Variants in SUGP2 observed in about 807,000 individuals in gnomAD.
SUGP2 encodes SURP and G-patch domain-containing protein 2.
A neutral mutation model predicts 90.5 loss-of-function variants in SUGP2; 24 were observed. The observed-to-expected ratio is 0.27, with a 90% CI of 0.19 to 0.37. The LOEUF (loss-of-function observed/expected upper bound fraction) is 0.37. Among genes scored for constraint, SUGP2 ranks in the 10% least tolerant of loss-of-function variants. SUGP2 has a pLI of 1.00. For synonymous variants in SUGP2, 473 were observed against 513.4 expected (o/e 0.92, Z 1.06); for missense variants, 1,233 against 1,363.3 (o/e 0.90, Z 1.51).
chr19:18,994,479 G>T lies in SUGP2; in HGVS notation c.3136C>A (p.Pro1046Thr). ...GCACCCAACCCTTCCCCTTCCGAGG[G>T]GGTTCCCCTAGGGAGTGAAAAAGAG... ...GIREPVSVGT[P>T]SEGEGLGADG... The change falls in exon 10 of 11, where the codon CCC (proline) becomes ACC (threonine). Residue 1046 changes from proline to threonine, a missense_variant. Physicochemically the swap from Pro to Thr is conservative, Grantham distance 38. Around this residue, in one of 8 missense-constraint regions of SUGP2, gnomAD observed 53 missense variants for 55.3 expected, o/e 0.96. Transcript: ENST00000452918. 1 of 1,613,954 alleles carries T rather than the reference G, an allele frequency of 6.2e-7. No individual in the cohort carries two copies. The highest frequency in any genetic ancestry group is 8.5e-7 in the Non-Finnish European group (1 of 1,179,928).
At chr19:19,027,685 C>T (rs572546195) in intron 2 of SUGP2, among the ~76,000 whole-genome samples, 11 of 151,578 alleles carry the variant, frequency 7.3e-5, no homozygotes, top group African/African-American at 2.2e-4. Flanking sequence ...GCTGGAGTGC[C>T]GGAGTGCAAG....
chr19:19,009,735 C>T (rs762585518), intron 5 of SUGP2, 120 bp downstream of exon 5: 22 of 1,319,862 alleles, frequency 1.7e-5, no homozygotes, highest in Non-Finnish European at 2.2e-5. Flanking sequence ...CTGGCCAGGT[C>T]CCTAGAGCTT....
At position 18,991,086 on chromosome 19, in the gene SUGP2, A is replaced by T. The variant is rs2057341318; in HGVS notation, c.*2655T>A. ...GATGGAAACAAGCCAGAGACAGTAA[A>T]GCACCCAGAGTGGCGAGAGAGCACT... On this transcript the variant is annotated 3_prime_UTR_variant, in exon 11 of 11. Transcript: ENST00000452918. The T allele has an allele frequency of 6.6e-6, 1 of 152,146 alleles. No individual in the cohort carries two copies. Among genetic ancestry groups the T allele is most frequent in the African/African-American group, 2.4e-5 (1 of 41,422 alleles). 9.4% of individuals were successfully genotyped at this position (152,146 alleles called of 1,614,324 possible).
intron 1 of SUGP2, among the ~76,000 whole-genome samples, chr19:19,032,680 G>A (rs140745562): frequency 6.8e-4 from 103 of 152,226 alleles, no homozygotes; most frequent in African/African-American, 2.4e-3. Flanking sequence ...AGGAGGCAAA[G>A]GGAGACAGAC....
At chr19:19,032,270 T>C (rs1201316168) in intron 1 of SUGP2, among the ~76,000 whole-genome samples, 1 of 151,942 alleles carries the variant, frequency 6.6e-6, no homozygotes, top group African/African-American at 2.4e-5. Flanking sequence ...GCAATTCTCC[T>C]GCCTCAGCCT....
chr19:19,003,351 T>C (rs2057923249), intron 7 of SUGP2: 1 of 152,268 alleles, frequency 6.6e-6, no homozygotes, highest in Non-Finnish European at 1.5e-5. Context: ...AGAAGTCCCA[T>C]GTGAAAGCAC....
At chr19:19,005,654 A>G (rs1305844205) in intron 6 of SUGP2, among the ~76,000 whole-genome samples, 1 of 152,110 alleles carries the variant, frequency 6.6e-6, no homozygotes, top group Non-Finnish European at 1.5e-5. Context: ...TGGTATTGGA[A>G]AAGCTGGACG....
chr19:19,018,062 G>A lies in SUGP2; in HGVS notation c.1850+1047C>T, dbSNP rs1222769239. ...AGTTCGAGACCAACCTGGCCAACAT[G>A]GTGAAACCCCATCTCTACTAAAAAT... On this transcript the variant is annotated intron_variant, in intron 4 of 10. Coordinates refer to ENST00000452918, the MANE Select transcript of SUGP2 (RefSeq NM_001017392.5). Among the ~76,000 whole-genome samples the A allele has an allele frequency of 4.0e-5, 6 of 151,118 alleles. No homozygotes were observed. The East Asian group carries it at 1.2e-3, about 30-fold the overall frequency.
At chr19:19,014,944 G>C (rs986513782) in intron 4 of SUGP2, among the ~76,000 whole-genome samples, 4 of 152,200 alleles carry the variant, frequency 2.6e-5, no homozygotes, top group Non-Finnish European at 5.9e-5. Context: ...GCTCATGCCT[G>C]TAATTCCAGC....
intron 4 of SUGP2, among the ~76,000 whole-genome samples, chr19:19,013,307 T>G (rs2058372939): frequency 6.6e-6 from 1 of 152,256 alleles, no homozygotes; most frequent in East Asian, 1.9e-4. Context: ...AGTGCTGTTC[T>G]CCTTAAAGTC....
At chr19:19,017,636 G>C (rs890860834) in intron 4 of SUGP2, among the ~76,000 whole-genome samples, 1 of 152,134 alleles carries the variant, frequency 6.6e-6, no homozygotes, top group African/African-American at 2.4e-5. Flanking sequence ...GCTGGGTGTG[G>C]TGGCGGGCAC....
In SUGP2 at chr19:19,025,001, G is replaced by C. The variant is rs370631495; in HGVS notation, c.1347C>G (p.Ala449=). The change falls in exon 3 of 11, where the codon GCC becomes GCG. Residue 449 remains alanine (A), a synonymous_variant. Transcript: ENST00000452918. ...SVTPLLMACN[A]YELSVKMKTL... ...TCTTCATCTTGACACTTAGCTCGTAGGCATTGCAGGCCATAAGCAAAGGTG... is the reference window on the plus strand; with the variant it reads ...TCTTCATCTTGACACTTAGCTCGTACGCATTGCAGGCCATAAGCAAAGGTG... The C allele has an allele frequency of 8.7e-6, 14 of 1,614,080 alleles. No individual in the cohort carries two copies. The highest frequency in any genetic ancestry group is 1.2e-5 in the Non-Finnish European group (14 of 1,180,040).
At chr19:19,020,204 C>G (rs141292672) in intron 3 of SUGP2, among the ~76,000 whole-genome samples, 2 of 151,562 alleles carry the variant, frequency 1.3e-5, no homozygotes, top group Non-Finnish European at 2.9e-5. Flanking sequence ...CCAAGGCAGG[C>G]GGATCACGAG....
intron 6 of SUGP2, among the ~76,000 whole-genome samples, chr19:19,006,165 A>G (rs1370069343): frequency 2.0e-5 from 3 of 151,710 alleles, no homozygotes; most frequent in African/African-American, 7.3e-5. Flanking sequence ...GGTTGCAGTG[A>G]GCTGAGATCA....
chr19:19,017,869 A>C (rs568341101), intron 4 of SUGP2, among the ~76,000 whole-genome samples: 1 of 152,168 alleles, frequency 6.6e-6, no homozygotes, highest in Non-Finnish European at 1.5e-5. Flanking sequence ...TCACGCCCAG[A>C]TATCATAATA....
At chr19:19,005,323 C>G (rs2058022061) in intron 6 of SUGP2, among the ~76,000 whole-genome samples, 1 of 152,176 alleles carries the variant, frequency 6.6e-6, no homozygotes, top group Non-Finnish European at 1.5e-5. Flanking sequence ...CGTAAGGCAA[C>G]TCAACCTCAT....
Position 19,025,611 on chromosome 19 carries a change from G to A in SUGP2, c.737C>T (p.Thr246Ile). The A allele has an allele frequency of 6.2e-7, 1 of 1,614,028 alleles. No homozygotes were observed. The highest frequency in any genetic ancestry group is 1.7e-5 in the Admixed American group (1 of 59,988). The change falls in exon 3 of 11, where the codon ACA (threonine) becomes ATA (isoleucine). Residue 246 changes from threonine (T) to isoleucine (I), a missense_variant. Around this residue, in one of 8 missense-constraint regions of SUGP2, gnomAD observed 418 missense variants for 399.9 expected, o/e 1.05. Coordinates refer to ENST00000452918, the MANE Select transcript of SUGP2 (RefSeq NM_001017392.5). ...TTTTTTTGTGCTCACATTTCTCAAT[G>A]TGACAAGTTTCCCAACACCCCCCTT... is the stretch of plus-strand genomic sequence containing the variant. ...TAKGGVGKLVTLRNVSTKKIP... is the reference protein window; with the variant it reads ...TAKGGVGKLVILRNVSTKKIP...
intron 4 of SUGP2, among the ~76,000 whole-genome samples, chr19:19,017,237 G>A (rs2058532529): frequency 6.6e-6 from 1 of 152,294 alleles, no homozygotes; most frequent in Middle Eastern, 3.4e-3. Context: ...GAGTAGCAGT[G>A]AGAAAGTCAA....
intron 8 of SUGP2, among the ~76,000 whole-genome samples, chr19:18,997,218 C>CA (rs1454840686): frequency 6.6e-6 from 1 of 151,900 alleles, no homozygotes; most frequent in Non-Finnish European, 1.5e-5. Flanking sequence ...GTTAGGGGTG[C>CA]ATGTGGGAGG....
Sources: allele counts gnomAD v4.1 joint callset (sites outside exome capture counted in the v4.1 genomes callset), GRCh38; gene constraint gnomAD v4.1.1; regional missense constraint gnomAD v4.1.1; transcripts MANE v1.5; gene names NCBI Gene and HGNC (gene_info 2026-07-23, HGNC 2026-07-21).